WDR49: variants seen among roughly 807,000 people sequenced by gnomAD.
The protein encoded by WDR49 is WD repeat domain 49.
A neutral mutation model predicts 119.5 loss-of-function variants in WDR49; 107 were observed. The ratio of observed to expected loss-of-function variants is 0.90; its 90% confidence interval spans 0.77 to 1.05. The LOEUF is 1.05. Among genes scored for constraint, WDR49 ranks in the 50% least tolerant of loss-of-function variants. WDR49 has a pLI of 0.00. For synonymous variants in WDR49, 425 were observed against 418.8 expected (o/e 1.01, Z -0.18); for missense variants, 1,240 against 1,220.5 (o/e 1.02, Z -0.24).
At chr3:167,620,321 T>G in intron 5 of WDR49, 108 bp downstream of exon 5, 1 of 1,162,448 alleles carries the variant, frequency 8.6e-7, no homozygotes, top group Non-Finnish European at 1.1e-6. Flanking sequence ...AGAGAACCAA[T>G]TATTGGTTTC....
At chr3:167,570,355 T>C (rs1713863302) in intron 8 of WDR49, among the ~76,000 whole-genome samples, 1 of 152,198 alleles carries the variant, frequency 6.6e-6, no homozygotes, top group Non-Finnish European at 1.5e-5. Flanking sequence ...ATTGAATTGT[T>C]TGGATTCCCA....
chr3:167,483,830 TAGATGAGG>T (rs1560243397), intron 18 of WDR49, among the ~76,000 whole-genome samples: 2 of 152,174 alleles, frequency 1.3e-5, no homozygotes, highest in Non-Finnish European at 2.9e-5. Flanking sequence ...AGGGTCTTTA[TAGATGAGG>T]CCCAGAAAAC....
intron 16 of WDR49, among the ~76,000 whole-genome samples, chr3:167,522,074 T>G (rs1752469790): frequency 6.6e-6 from 1 of 152,050 alleles, no homozygotes; most frequent in Non-Finnish European, 1.5e-5. Flanking sequence ...GGAGTAGCAG[T>G]AAAAGACTAG....
At chr3:167,489,064 C>T (rs576809896) in intron 18 of WDR49, among the ~76,000 whole-genome samples, 22 of 152,108 alleles carry the variant, frequency 1.4e-4, no homozygotes, top group Non-Finnish European at 2.4e-4. Flanking sequence ...CTTCTTAGCT[C>T]TTATCAATAT....
rs576596571 is a variant in WDR49, at chr3:167,608,796, A to G, written c.959-4328T>C. On this transcript the variant is annotated intron_variant, in intron 5 of 18. Transcript: ENST00000682715. ...GTTAATATTCTCAGTAAGTTTTGGA[A>G]TTGGTAGAGGAAAATACTTTTAAAT... is the stretch of plus-strand genomic sequence containing the variant. Among the ~76,000 whole-genome samples the G allele has an allele frequency of 1.6e-4, 25 of 152,044 alleles. No homozygotes were observed. The East Asian group carries it at 4.7e-3, about 28-fold the overall frequency.
chr3:167,589,450 ATTG>A (rs548163038), intron 7 of WDR49, among the ~76,000 whole-genome samples: 3 of 152,006 alleles, frequency 2.0e-5, no homozygotes, highest in Admixed American at 2.0e-4. Flanking sequence ...AAATTTTAGG[ATTG>A]TTTTTCCTAT....
At chr3:167,495,179 C>T (rs969349573) in intron 18 of WDR49, among the ~76,000 whole-genome samples, 5 of 151,760 alleles carry the variant, frequency 3.3e-5, no homozygotes, top group Admixed American at 1.3e-4. Flanking sequence ...TAGAAGCAGA[C>T]CCAGGGATTA....
In WDR49 at chr3:167,478,789, A is replaced by G; in HGVS notation, c.*89T>C. 4 of 894,604 alleles carry G rather than the reference A, an allele frequency of 4.5e-6. No homozygotes were observed. The South Asian group carries it at 7.5e-5, about 17-fold the overall frequency. 55.4% of individuals were successfully genotyped at this position (894,604 alleles called of 1,614,324 possible). ...AGAGAAAACTTCCTGAAGTTTAAAT[A>G]TAAAATAAAATAAAAGGCAGAATTC... On this transcript the variant is annotated 3_prime_UTR_variant, in exon 19 of 19. Transcript: ENST00000682715.
intron 7 of WDR49, among the ~76,000 whole-genome samples, chr3:167,601,776 C>T (rs1332441764): frequency 6.6e-6 from 1 of 152,040 alleles, no homozygotes; most frequent in African/African-American, 2.4e-5. Context: ...ATTGCCTATG[C>T]CTGGACTTTA....
chr3:167,481,440 C>T (rs1384841803), intron 18 of WDR49, among the ~76,000 whole-genome samples: 1 of 150,686 alleles, frequency 6.6e-6, no homozygotes, highest in African/African-American at 2.4e-5. Flanking sequence ...GTTCCTGGAA[C>T]ATAGTAGGAA....
intron 10 of WDR49, among the ~76,000 whole-genome samples, chr3:167,547,458 T>G (rs181198774): frequency 2.0e-5 from 3 of 151,786 alleles, no homozygotes; most frequent in Admixed American, 2.0e-4. Flanking sequence ...AACCCACATC[T>G]AACGTCATGT....
intron 18 of WDR49, among the ~76,000 whole-genome samples, chr3:167,483,360 G>A (rs1205476959): frequency 6.6e-6 from 1 of 152,088 alleles, no homozygotes; most frequent in Non-Finnish European, 1.5e-5. Flanking sequence ...ATTGAGATTT[G>A]TCTCTCAACT....
chr3:167,568,168 C>G (rs1471233435), intron 8 of WDR49, among the ~76,000 whole-genome samples: 1 of 152,122 alleles, frequency 6.6e-6, no homozygotes, highest in Non-Finnish European at 1.5e-5. Context: ...GGCAGCAATC[C>G]TTTCTTCTCA....
chr3:167,616,912 G>A (rs547914845), intron 5 of WDR49, among the ~76,000 whole-genome samples: 5 of 152,268 alleles, frequency 3.3e-5, no homozygotes, highest in African/African-American at 4.8e-5. Flanking sequence ...CAAGAAGGAC[G>A]TTTTAATTTC....
At chr3:167,582,339 A>T (rs1229271098) in intron 7 of WDR49, among the ~76,000 whole-genome samples, 1 of 152,146 alleles carries the variant, frequency 6.6e-6, no homozygotes, top group Non-Finnish European at 1.5e-5. Context: ...CTTGGCTAAC[A>T]TTTTTATCTT....
intron 2 of WDR49, among the ~76,000 whole-genome samples, chr3:167,651,294 G>C (rs1718367897): frequency 6.6e-6 from 1 of 152,122 alleles, no homozygotes; most frequent in African/African-American, 2.4e-5. Context: ...ACATTTCTAA[G>C]AGCATGTCCT....
Position 167,601,607 on chromosome 3 carries a change from A to AT in WDR49, c.1275+519dup, listed in dbSNP as rs75763653. 2.2e-3 allele frequency among the ~76,000 whole-genome samples: 332 copies of AT among 151,526 alleles called. 10 individuals are homozygous for AT. The highest frequency in any genetic ancestry group is 0.015 in the Admixed American group (221 of 15,204). ...CTGGACTCTACGGCTCTAGTGCCAT[A>AT]TTTTTTTTTCCACCATATTTAAAAT... On this transcript the variant is annotated intron_variant, in intron 7 of 18. Transcript: ENST00000682715.
chr3:167,570,661 T>C (rs1288987160), intron 8 of WDR49, among the ~76,000 whole-genome samples: 1 of 152,220 alleles, frequency 6.6e-6, no homozygotes, highest in African/African-American at 2.4e-5. Context: ...CATAATGGAA[T>C]TTTTTAACAG....
rs925090891 is a variant in WDR49 at position 167,531,811 on chromosome 3, G to A, written c.2054-532C>T. ...ACACTAGTAAACACTGGGGATATTC[G>A]TCTCAGAATCTAGGAACAGTCTGCC... On this transcript the variant is annotated intron_variant, in intron 12 of 18. Transcript: ENST00000682715. 1.6e-4 allele frequency among the ~76,000 whole-genome samples: 25 copies of A among 152,194 alleles called. No homozygotes were observed. In the East Asian group the frequency reaches 2.5e-3, roughly 15 times the overall value.
Sources: allele counts gnomAD v4.1 joint callset (sites outside exome capture counted in the v4.1 genomes callset), GRCh38; gene constraint gnomAD v4.1.1; transcripts MANE v1.5; gene names NCBI Gene and HGNC (gene_info 2026-07-23, HGNC 2026-07-21).